The following TANC1 variants were observed in gnomAD, a reference collection of about 807,000 sequenced individuals.
TANC1 encodes protein TANC1.
Under a neutral mutation model 149.7 loss-of-function variants are expected in TANC1, and 77 were observed. The observed-to-expected ratio is 0.51, with a 90% CI of 0.43 to 0.62. The LOEUF (loss-of-function observed/expected upper bound fraction) is 0.62. Ranked by LOEUF, TANC1 falls within the 20% of genes least tolerant of loss-of-function variation. The pLI is 0.00. For missense variants in TANC1, 1,985 were observed against 2,321.8 expected (o/e 0.85, Z 2.98); for synonymous variants, 854 against 925.0 (o/e 0.92, Z 1.39).
At chr2:159,225,539 C>A (rs755803917) in intron 23 of TANC1, 149 bp from the exon 24 acceptor site, 1 of 646,044 alleles carries the variant, frequency 1.5e-6, no homozygotes. Context: ...GCAACAGCCT[C>A]GCCGGCGTCC....
chr2:159,121,343 TG>T (rs1351125378), intron 4 of TANC1, among the ~76,000 whole-genome samples: 1 of 152,204 alleles, frequency 6.6e-6, no homozygotes, highest in African/African-American at 2.4e-5. Flanking sequence ...CCGCTATTGT[TG>T]TTGTTTGAGA....
chr2:159,030,661 T>C (rs1051103940), intron 2 of TANC1, among the ~76,000 whole-genome samples: 13 of 152,146 alleles, frequency 8.5e-5, no homozygotes, highest in African/African-American at 2.7e-4. Flanking sequence ...AAAGCCAACA[T>C]AGGGGTGTTG....
At chr2:159,129,570 G>T (rs1483664258) in intron 4 of TANC1, among the ~76,000 whole-genome samples, 2 of 148,982 alleles carry the variant, frequency 1.3e-5, no homozygotes, top group African/African-American at 4.9e-5. Context: ...TTGTTTTGTT[G>T]TTTTTTTTTT....
intron 2 of TANC1, among the ~76,000 whole-genome samples, chr2:159,022,058 C>T (rs2038871911): frequency 6.6e-6 from 1 of 152,204 alleles, no homozygotes; most frequent in Non-Finnish European, 1.5e-5. Context: ...AGCTCTGCTA[C>T]TTAGAAGTTG....
chr2:159,063,892 A>T (rs1245743452), intron 2 of TANC1, among the ~76,000 whole-genome samples: 1 of 152,054 alleles, frequency 6.6e-6, no homozygotes, highest in Non-Finnish European at 1.5e-5. Context: ...ACTGGTGATG[A>T]CCTGGGTGAT....
At chr2:159,219,655 A>G (rs2059565191) in intron 21 of TANC1, 37 bp from the exon 22 acceptor site, 2 of 1,613,180 alleles carry the variant, frequency 1.2e-6, no homozygotes, top group Admixed American at 1.7e-5. Flanking sequence ...TTGTCATCTC[A>G]TAATGTTCAT....
At position 159,231,146 on chromosome 2, in the gene TANC1, A is replaced by G. The variant is rs1049754205; in HGVS notation, c.*134A>G. The G allele has an allele frequency of 2.8e-5, 18 of 651,246 alleles. No homozygotes were observed. Among genetic ancestry groups the G allele is most frequent in the Admixed American group, 6.1e-5 (2 of 32,566 alleles). 40.3% of individuals were successfully genotyped at this position (651,246 alleles called of 1,614,324 possible). On this transcript the variant is annotated 3_prime_UTR_variant, in exon 27 of 27. Coordinates refer to ENST00000263635, the MANE Select transcript of TANC1 (RefSeq NM_033394.3). ...TTGGGGTGGATCTGATGCCATTGAT[A>G]TATCTAAAATGTGGGATAAAACTTC...
chr2:158,992,091 G>A (rs2149280695), intron 1 of TANC1, among the ~76,000 whole-genome samples: 1 of 152,262 alleles, frequency 6.6e-6, no homozygotes. Context: ...GGCTGGGTGT[G>A]GTGGCTCATG....
rs111226380 is a variant in TANC1, at chr2:159,082,021, C to T, written c.62-15616C>T. Among the ~76,000 whole-genome samples, 42 of 152,374 alleles carry T rather than the reference C, an allele frequency of 2.8e-4. 1 individual carries two copies. The highest frequency in any genetic ancestry group is 9.9e-4 in the African/African-American group (41 of 41,598). ...GCTACCATCAGACCCTTCCAGAGCCCACCTGCTGCCCAGCCCTGCCCTGCC... is the reference window on the plus strand; with the variant it reads ...GCTACCATCAGACCCTTCCAGAGCCTACCTGCTGCCCAGCCCTGCCCTGCC... On this transcript the variant is annotated intron_variant, in intron 3 of 26. Coordinates refer to ENST00000263635, the MANE Select transcript of TANC1 (RefSeq NM_033394.3).
At chr2:159,176,600 A>G in intron 13 of TANC1, 82 bp downstream of exon 13, 1 of 1,107,854 alleles carries the variant, frequency 9.0e-7, no homozygotes, top group East Asian at 2.6e-5. Context: ...AAACTGTTGT[A>G]AACCATTCAG....
In TANC1 at chr2:159,170,589, A is replaced by C; in HGVS notation, c.1135A>C (p.Ile379Leu). ...ACCCTTGTTGTTTGAAGTACCAAGC[A>C]TAACAACAGACTCTGTGTTTGTGGG... ...LKPLLFEVPSITTDSVFVGRD... is the reference protein window; with the variant it reads ...LKPLLFEVPSLTTDSVFVGRD... The change falls in exon 10 of 27, where the codon ATA (isoleucine) becomes CTA (leucine). Residue 379 changes from isoleucine to leucine, a missense_variant. Ile to Leu is a conservative substitution (Grantham distance 5). Around this residue, in one of 3 missense-constraint regions of TANC1, gnomAD observed 557 missense variants for 612.9 expected, o/e 0.91. Transcript: ENST00000263635. The C allele has an allele frequency of 6.2e-7, 1 of 1,614,200 alleles. No homozygotes were observed. The highest frequency in any genetic ancestry group is 8.5e-7 in the Non-Finnish European group (1 of 1,180,016).
chr2:159,208,782 T>G (rs1474674533), intron 19 of TANC1, among the ~76,000 whole-genome samples: 2 of 152,238 alleles, frequency 1.3e-5, no homozygotes, highest in Non-Finnish European at 2.9e-5. Context: ...ACTTTTTAAA[T>G]TCGTGCATGA....
chr2:159,175,807 G>C (rs1406464681), intron 12 of TANC1, among the ~76,000 whole-genome samples: 1 of 152,228 alleles, frequency 6.6e-6, no homozygotes, highest in Non-Finnish European at 1.5e-5. Context: ...TATTGCCTGG[G>C]CAGAAAATCA....
chr2:159,104,624 C>G (rs1299028962), intron 4 of TANC1, among the ~76,000 whole-genome samples: 2 of 93,988 alleles, frequency 2.1e-5, no homozygotes, highest in East Asian at 4.7e-4. Flanking sequence ...TCAAGGCTCA[C>G]TGTAGCCTCA....
chr2:159,187,097 G>A lies in TANC1; in HGVS notation c.2742+73G>A, dbSNP rs1036258185. The stretch of plus-strand genomic sequence containing the variant: ...TGCTGGCCGTTCCTCCAACAGCCCT[G>A]TTTCCCTCTGCCCTGGGTGGTGGTG... On this transcript the variant is annotated intron_variant, in intron 16 of 26. Coordinates refer to ENST00000263635, the MANE Select transcript of TANC1 (RefSeq NM_033394.3). 1.5e-5 allele frequency: 24 copies of A among 1,566,960 alleles called. No individual in the cohort carries two copies. The South Asian group carries it at 2.7e-4, about 17-fold the overall frequency.
intron 22 of TANC1, among the ~76,000 whole-genome samples, chr2:159,221,043 T>G (rs183375082): frequency 2.1e-3 from 325 of 152,312 alleles, no homozygotes; most frequent in African/African-American, 7.0e-3. Flanking sequence ...CTCTTTTAGC[T>G]ATTTTGAAAT....
At chr2:159,155,837 G>A (rs1311065822) in intron 7 of TANC1, among the ~76,000 whole-genome samples, 1 of 152,196 alleles carries the variant, frequency 6.6e-6, no homozygotes, top group Non-Finnish European at 1.5e-5. Flanking sequence ...TATCCTGCTA[G>A]AGTATCTTGC....
chr2:159,005,420 A>G (rs1007503039), intron 2 of TANC1, among the ~76,000 whole-genome samples: 3 of 152,076 alleles, frequency 2.0e-5, no homozygotes, highest in African/African-American at 7.2e-5. Flanking sequence ...GCGAAACCCC[A>G]TCTCTACAAA....
intron 2 of TANC1, chr2:159,003,929 C>T (rs747494986): frequency 3.7e-6 from 6 of 1,612,778 alleles, no homozygotes; most frequent in Non-Finnish European, 5.1e-6. Flanking sequence ...GAAGGTGGTA[C>T]ATAGAACAGC....
Sources: gnomAD v4.1 joint callset for allele counts (sites outside exome capture counted in the v4.1 genomes callset) on GRCh38, gnomAD v4.1.1 for gene constraint, gnomAD v4.1.1 regional missense constraint, MANE v1.5 for transcripts, NCBI Gene and HGNC (gene_info 2026-07-23, HGNC 2026-07-21) for gene names.